TCP11: variants seen among roughly 807,000 people sequenced by gnomAD.
The protein encoded by TCP11 is t-complex 11.
In TCP11, 34 loss-of-function variants were observed where a neutral mutation model predicts 45.0. That is an observed-to-expected ratio of 0.76 (90% CI 0.57 to 1.01). The LOEUF (loss-of-function observed/expected upper bound fraction) is 1.01, where lower values mean the gene tolerates loss of function less well. Ranked by LOEUF, TCP11 falls within the 50% of genes least tolerant of loss-of-function variation. TCP11 has a pLI of 0.00. For synonymous variants in TCP11, 227 were observed against 227.0 expected (o/e 1.00, Z 0.00); for missense variants, 523 against 598.1 (o/e 0.87, Z 1.31).
intron 2 of TCP11, among the ~76,000 whole-genome samples, chr6:35,139,019 C>G (rs534208179): frequency 6.6e-6 from 1 of 152,276 alleles, no homozygotes; most frequent in African/African-American, 2.4e-5. Context: ...GAAACCCCGT[C>G]TCTCCTAAAA....
intron 2 of TCP11, chr6:35,140,302 C>CCA: frequency 8.8e-7 from 1 of 1,136,652 alleles, no homozygotes; most frequent in Non-Finnish European, 1.2e-6. Flanking sequence ...ACCTTGTGCC[C>CCA]CAACAAGAAC....
chr6:35,129,109 G>A lies in TCP11; in HGVS notation c.310C>T (p.Pro104Ser). 1 of 1,614,132 alleles carries A rather than the reference G, an allele frequency of 6.2e-7. No homozygotes were observed. Among genetic ancestry groups the A allele is most frequent in the South Asian group, 1.1e-5 (1 of 91,082 alleles). Residue 104 changes from proline to serine, a missense_variant, in exon 4 of 10, where the codon CCC becomes TCC. By Grantham distance (74) the Pro-to-Ser change is moderately conservative. Around this residue, in one of 2 missense-constraint regions of TCP11, gnomAD observed 225 missense variants for 210.2 expected, o/e 1.07. Coordinates refer to ENST00000311875, the MANE Select transcript of TCP11 (RefSeq NM_001370687.1). ...DHLKEQLSAT[P>S]PDFSCALELL... ...TCAAGAGCACAGCTGAAGTCAGGGGGAGTTGCTGATAGTTGCTCTTTAAGA... is the reference window on the plus strand; with the variant it reads ...TCAAGAGCACAGCTGAAGTCAGGGGAAGTTGCTGATAGTTGCTCTTTAAGA...
chr6:35,119,884 G>A (rs1779036574), intron 8 of TCP11, among the ~76,000 whole-genome samples: 1 of 152,110 alleles, frequency 6.6e-6, no homozygotes, highest in African/African-American at 2.4e-5. Context: ...GACTGACCAA[G>A]TCCTGGATAT....
rs552314750 is a variant in TCP11, at chr6:35,135,611, C to A, written c.236+496G>T. Among the ~76,000 whole-genome samples the A allele has an allele frequency of 3.0e-4, 42 of 137,784 alleles. 1 individual carries two copies. The highest frequency in any genetic ancestry group is 2.4e-3 in the Admixed American group (31 of 13,186). 90.4% of individuals were successfully genotyped at this position (137,784 alleles called of 152,430 possible). ...GACAACCCTGGGCAACACAGTGAGA[C>A]CCCATCTCTAAAAAAAAAAAAAAAA... On this transcript the variant is annotated intron_variant, in intron 3 of 9. Coordinates refer to ENST00000311875, the MANE Select transcript of TCP11 (RefSeq NM_001370687.1).
At chr6:35,140,061 T>C (rs746606687) in intron 2 of TCP11, 2 of 1,614,144 alleles carry the variant, frequency 1.2e-6, no homozygotes, top group East Asian at 4.5e-5. Context: ...ATATGCCTTT[T>C]GGTGCCATTC....
In TCP11 at chr6:35,136,130, T is replaced by G. The variant is rs770373406; in HGVS notation, c.213A>C (p.Glu71Asp). 1.5e-5 allele frequency: 24 copies of G among 1,613,612 alleles called. No individual in the cohort carries two copies. The highest frequency in any genetic ancestry group is 2.2e-5 in the East Asian group (1 of 44,874). ...ACCTGCTTGGAGGTAAAACCTTCTC[T>G]TCCATGTAGTAATCACAATTCATCC... Reference protein sequence around the residue: ...KIGMNCDYYMEEKVLPPSSLE... With the variant: ...KIGMNCDYYMDEKVLPPSSLE... The change falls in exon 3 of 10, where the codon GAA becomes GAC. Residue 71 changes from glutamate (E) to aspartate (D), a missense_variant. By Grantham distance (45) the Glu-to-Asp change is conservative. Coordinates refer to ENST00000311875, the MANE Select transcript of TCP11 (RefSeq NM_001370687.1).
In TCP11 at chr6:35,130,088, A is replaced by G. The variant is rs1780232249; in HGVS notation, c.237-906T>C. Among the ~76,000 whole-genome samples, 3 of 152,180 alleles carry G rather than the reference A, an allele frequency of 2.0e-5. No individual in the cohort carries two copies. In the South Asian group the frequency reaches 6.2e-4, roughly 32 times the overall value. ...GTGAGCCACTGCACCCAGCCAAGGCAATTCAATTTAGAAATGAGGGTCTTT... is the reference window on the plus strand; with the variant it reads ...GTGAGCCACTGCACCCAGCCAAGGCGATTCAATTTAGAAATGAGGGTCTTT... On this transcript the variant is annotated intron_variant, in intron 3 of 9. Coordinates refer to ENST00000311875, the MANE Select transcript of TCP11 (RefSeq NM_001370687.1).
intron 2 of TCP11, chr6:35,140,490 A>C: frequency 3.2e-6 from 2 of 616,320 alleles, no homozygotes; most frequent in Admixed American, 4.3e-5. Context: ...AATACAAAGG[A>C]GGGCTTTGAA....
chr6:35,126,495 T>C (rs1291331577), intron 4 of TCP11, among the ~76,000 whole-genome samples: 1 of 152,124 alleles, frequency 6.6e-6, no homozygotes, highest in East Asian at 1.9e-4. Context: ...CTAAATTAAC[T>C]GGTCTGACCA....
At chr6:35,136,362 TG>T (rs2127686068) in intron 2 of TCP11, 144 bp from the exon 3 acceptor site, 1 of 600,468 alleles carries the variant, frequency 1.7e-6, no homozygotes, top group African/African-American at 1.9e-5. Flanking sequence ...TTATGTTTTC[TG>T]CACTCTATGC....
intron 3 of TCP11, among the ~76,000 whole-genome samples, chr6:35,130,415 C>T (rs1780275363): frequency 6.6e-6 from 1 of 151,954 alleles, no homozygotes; most frequent in Admixed American, 6.6e-5. Context: ...AACAAAAAAA[C>T]AAGACACACA....
In TCP11 at chr6:35,141,314, G is replaced by T. The variant is rs1425402696; in HGVS notation, c.-124C>A. ...GGAGCGGCGGGTTGGGGCGTCGCAC[G>T]GTGAGAAAGGCCGGGGCCTGAGAAC... On this transcript the variant is annotated 5_prime_UTR_variant, in exon 1 of 10. Coordinates refer to ENST00000311875, the MANE Select transcript of TCP11 (RefSeq NM_001370687.1). 1.0e-5 allele frequency: 13 copies of T among 1,264,716 alleles called. No individual in the cohort carries two copies. Among genetic ancestry groups the T allele is most frequent in the African/African-American group, 1.6e-5 (1 of 63,802 alleles). The allele number at this position is 1,264,716 out of a possible 1,614,324, so 78.3% of individuals were successfully genotyped here.
At position 35,120,407 on chromosome 6, in the gene TCP11, C is replaced by T; in HGVS notation, c.933+22G>A. On this transcript the variant is annotated intron_variant, in intron 7 of 9. Transcript: ENST00000311875. This position sits in a 1 kb window ranked among gnomAD's most constrained non-coding sequence, Gnocchi z 4.9. Reference sequence around the variant, plus strand: ...TGGAAGCCCTGAACACAAAACAAGGCAATGCCCCCAGACATTCCTACCTCA... The same window carrying T: ...TGGAAGCCCTGAACACAAAACAAGGTAATGCCCCCAGACATTCCTACCTCA... 1 of 1,588,788 alleles carries T rather than the reference C, an allele frequency of 6.3e-7. No individual in the cohort carries two copies. The highest frequency in any genetic ancestry group is 8.6e-7 in the Non-Finnish European group (1 of 1,166,896).
At chr6:35,128,096 C>T (rs1045064558) in intron 4 of TCP11, among the ~76,000 whole-genome samples, 1 of 152,160 alleles carries the variant, frequency 6.6e-6, no homozygotes, top group Non-Finnish European at 1.5e-5. Context: ...TACTGTGGGT[C>T]AGAAGTACAG....
chr6:35,141,200 G>A lies in TCP11; in HGVS notation c.-15+5C>T, dbSNP rs1781740807. 7 of 1,404,150 alleles carry A rather than the reference G, an allele frequency of 5.0e-6. No individual in the cohort carries two copies. Among genetic ancestry groups the A allele is most frequent in the South Asian group, 4.6e-5 (3 of 65,578 alleles). The allele number at this position is 1,404,150 out of a possible 1,614,324, so 87.0% of individuals were successfully genotyped here. On this transcript the variant is annotated splice_donor_5th_base_variant and intron_variant, in intron 1 of 9. Transcript: ENST00000311875. ...CAGGCCCGCCTCCGGCTCCCAGGCC[G>A]TCACCTCCTCCTCCCCCGCCGCGGG...
Position 35,120,681 on chromosome 6 carries a change from G to A in TCP11, c.716-35C>T. The A allele has an allele frequency of 6.3e-7, 1 of 1,585,020 alleles. No individual in the cohort carries two copies. The highest frequency in any genetic ancestry group is 8.6e-7 in the Non-Finnish European group (1 of 1,162,124). On this transcript the variant is annotated intron_variant, in intron 6 of 9. Coordinates refer to ENST00000311875, the MANE Select transcript of TCP11 (RefSeq NM_001370687.1). The surrounding 1 kb of genome is among the most constrained non-coding windows in gnomAD (Gnocchi z 4.9). ...GTAAGGGAGTGTGTAAGCATCTTTAGCATCTTCATCTCTGAGGCTTCAAGA... is the reference window on the plus strand; with the variant it reads ...GTAAGGGAGTGTGTAAGCATCTTTAACATCTTCATCTCTGAGGCTTCAAGA...
chr6:35,121,506 G>A (rs1164638552), intron 5 of TCP11, among the ~76,000 whole-genome samples: 1 of 151,174 alleles, frequency 6.6e-6, no homozygotes, highest in Non-Finnish European at 1.5e-5. Context: ...ACCGAAAGAA[G>A]AGAAAACCTG....
In TCP11 at chr6:35,135,853, G is replaced by A. The variant is rs921951623; in HGVS notation, c.236+254C>T. Among the ~76,000 whole-genome samples, 3 of 152,190 alleles carry A rather than the reference G, an allele frequency of 2.0e-5. No homozygotes were observed. In the East Asian group the frequency reaches 5.8e-4, roughly 29 times the overall value. On this transcript the variant is annotated intron_variant, in intron 3 of 9. Coordinates refer to ENST00000311875, the MANE Select transcript of TCP11 (RefSeq NM_001370687.1). Reference sequence around the variant, plus strand: ...GGCTGCTTCCTCCAAGTTTGTCAGAGATCTGAAATCCACCATATTTATTCC... The same window carrying A: ...GGCTGCTTCCTCCAAGTTTGTCAGAAATCTGAAATCCACCATATTTATTCC...
intron 1 of TCP11, 91 bp from the exon 2 acceptor site, chr6:35,140,975 A>C: frequency 7.2e-7 from 1 of 1,396,704 alleles, no homozygotes; most frequent in Non-Finnish European, 9.4e-7. Context: ...GAAGGGGGGT[A>C]GCGGCCTCAG....
Sources: gnomAD v4.1 joint callset for allele counts (sites outside exome capture counted in the v4.1 genomes callset) on GRCh38, gnomAD v4.1.1 for gene constraint, gnomAD v4.1.1 regional missense constraint, Gnocchi (gnomAD v3.1) non-coding constraint, MANE v1.5 for transcripts, NCBI Gene and HGNC (gene_info 2026-07-23, HGNC 2026-07-21) for gene names.